KCNJ15: variants seen among roughly 807,000 people sequenced by gnomAD.
KCNJ15 encodes potassium inwardly rectifying channel subfamily J member 15, also known as ATP-sensitive inward rectifier potassium channel 15.
KCNJ15 carries 14 observed loss-of-function variants against 23.0 expected under a neutral mutation model. That is an observed-to-expected ratio of 0.61 (90% confidence interval 0.40 to 0.95). KCNJ15 has a LOEUF of 0.95. KCNJ15 is among the 40% of genes least tolerant of loss of function. The pLI is 0.00. For synonymous variants in KCNJ15, 185 were observed against 183.2 expected (o/e 1.01, Z -0.08); for missense variants, 388 against 461.8 (o/e 0.84, Z 1.46).
At position 38,306,975 on chromosome 21, in the gene KCNJ15, T is replaced by C. The variant is rs1986078663; in HGVS notation, c.*6586T>C. The C allele has an allele frequency of 6.6e-6, 1 of 152,230 alleles. No homozygotes were observed. Among genetic ancestry groups the C allele is most frequent in the Non-Finnish European group, 1.5e-5 (1 of 68,042 alleles). 9.4% of individuals were successfully genotyped at this position (152,230 alleles called of 1,614,324 possible). A position where few individuals can be genotyped will look rare whatever the true frequency, so the allele number is the denominator to read the frequency against. On this transcript the variant is annotated 3_prime_UTR_variant, in exon 3 of 3. Transcript: ENST00000398938. ...AAAATCTTGATCACACTTAGGTCTC[T>C]TGCTATATATAGAACCACATCTGAT...
chr21:38,288,895 G>A (rs1260413988), intron 1 of KCNJ15, among the ~76,000 whole-genome samples: 4 of 152,122 alleles, frequency 2.6e-5, no homozygotes, highest in Admixed American at 2.6e-4. Context: ...CCACTTTGAA[G>A]TTTCATTAAA....
intron 1 of KCNJ15, among the ~76,000 whole-genome samples, chr21:38,237,949 A>AAAC (rs3842454): frequency 2.0e-5 from 3 of 151,148 alleles, no homozygotes; most frequent in African/African-American, 2.4e-5. Flanking sequence ...CACAAGCTAA[A>AAAC]AACAACAACA....
At chr21:38,249,079 A>G (rs1402846572) in intron 1 of KCNJ15, among the ~76,000 whole-genome samples, 1 of 152,162 alleles carries the variant, frequency 6.6e-6, no homozygotes, top group Non-Finnish European at 1.5e-5. Context: ...CCCCCAATGG[A>G]CTTTACTCCT....
chr21:38,247,688 G>A (rs1979542457), intron 1 of KCNJ15, among the ~76,000 whole-genome samples: 1 of 152,192 alleles, frequency 6.6e-6, no homozygotes, highest in Non-Finnish European at 1.5e-5. Context: ...ATGCCCATAT[G>A]TTCTTCATGG....
chr21:38,260,772 C>T (rs1465958460), intron 1 of KCNJ15, among the ~76,000 whole-genome samples: 1 of 152,132 alleles, frequency 6.6e-6, no homozygotes, highest in Admixed American at 6.6e-5. Flanking sequence ...GGACTGAGGA[C>T]CTACAGAGGG....
chr21:38,270,051 C>A (rs1349440442), intron 1 of KCNJ15, among the ~76,000 whole-genome samples: 1 of 152,206 alleles, frequency 6.6e-6, no homozygotes, highest in African/African-American at 2.4e-5. Context: ...GCTCCAATTC[C>A]TGGAAAGCAT....
rs540808201 is a variant in KCNJ15 at position 38,303,846 on chromosome 21, C to T, written c.*3457C>T. On this transcript the variant is annotated 3_prime_UTR_variant, in exon 3 of 3. Coordinates refer to ENST00000398938, the MANE Select transcript of KCNJ15 (RefSeq NM_170736.3). ...TGCACTCTAGCATTATTCTGTCTCC[C>T]TTATTTGAGTCTTCAATATATATGC... 3 of 152,214 alleles carry T rather than the reference C, an allele frequency of 2.0e-5. No individual in the cohort carries two copies. The highest frequency in any genetic ancestry group is 6.5e-5 in the Admixed American group (1 of 15,298). The allele number at this position is 152,214 out of a possible 1,614,324, so 9.4% of individuals were successfully genotyped here.
intron 1 of KCNJ15, among the ~76,000 whole-genome samples, chr21:38,273,847 C>A (rs1238771759): frequency 6.6e-6 from 1 of 152,182 alleles, no homozygotes; most frequent in African/African-American, 2.4e-5. Context: ...TTCATCCAAC[C>A]CTCTCATTTT....
At chr21:38,268,763 T>A (rs1981768106) in intron 1 of KCNJ15, 2 of 152,028 alleles carry the variant, frequency 1.3e-5, no homozygotes, top group Admixed American at 1.3e-4. Context: ...TTGGGAAAGG[T>A]GCACTAATGT....
At chr21:38,244,142 A>C (rs1029301817) in intron 1 of KCNJ15, among the ~76,000 whole-genome samples, 1 of 151,868 alleles carries the variant, frequency 6.6e-6, no homozygotes, top group African/African-American at 2.4e-5. Context: ...CTTTGTGACT[A>C]TCTTGTTTAT....
In KCNJ15 at chr21:38,230,029, T is replaced by G. The variant is rs116885573; in HGVS notation, c.-398-27017T>G. On this transcript the variant is annotated intron_variant, in intron 1 of 4. Transcript: ENST00000547341. ...GCACAAATTTTTATGTGGAGGTATG[T>G]TTTTATTTCTCTTGGGTATATAACT... 0.014 allele frequency among the ~76,000 whole-genome samples: 2,174 copies of G among 152,300 alleles called. 20 individuals carry two copies. Among genetic ancestry groups the G allele is most frequent in the Non-Finnish European group, 0.02 (1,388 of 68,014 alleles).
chr21:38,246,577 A>G (rs1478402296), intron 1 of KCNJ15, among the ~76,000 whole-genome samples: 1 of 152,198 alleles, frequency 6.6e-6, no homozygotes, highest in Admixed American at 6.5e-5. Context: ...GCTAGTTAAG[A>G]TTAGTGTTAA....
At chr21:38,250,169 A>G (rs1271987257) in intron 1 of KCNJ15, among the ~76,000 whole-genome samples, 1 of 152,244 alleles carries the variant, frequency 6.6e-6, no homozygotes, top group Non-Finnish European at 1.5e-5. Context: ...GAAAGCTCCC[A>G]AAGTGAAAAA....
intron 1 of KCNJ15, among the ~76,000 whole-genome samples, chr21:38,234,931 G>C (rs1215222514): frequency 6.6e-6 from 1 of 152,220 alleles, no homozygotes; most frequent in East Asian, 1.9e-4. Context: ...TTCAGGTACA[G>C]ACAATACCTG....
intron 1 of KCNJ15, among the ~76,000 whole-genome samples, chr21:38,293,920 T>G (rs750456588): frequency 6.6e-6 from 1 of 152,226 alleles, no homozygotes; most frequent in Non-Finnish European, 1.5e-5. Context: ...CTGGACTTTG[T>G]ACAGTCAGAC....
intron 1 of KCNJ15, among the ~76,000 whole-genome samples, chr21:38,260,777 A>T (rs1980803972): frequency 6.6e-6 from 1 of 152,238 alleles, no homozygotes; most frequent in Non-Finnish European, 1.5e-5. Flanking sequence ...GAGGACCTAC[A>T]GAGGGAACAC....
chr21:38,255,612 C>G (rs974284317), upstream of KCNJ15, among the ~76,000 whole-genome samples: 2 of 152,108 alleles, frequency 1.3e-5, no homozygotes, highest in African/African-American at 4.8e-5. Context: ...ACCATCTCCA[C>G]TGGGAAAACA....
At chr21:38,238,871 T>G (rs1006589932) in intron 1 of KCNJ15, among the ~76,000 whole-genome samples, 3 of 152,240 alleles carry the variant, frequency 2.0e-5, no homozygotes, top group Admixed American at 1.3e-4. Flanking sequence ...GTTCTCTCTT[T>G]AACCTTTCTC....
intron 1 of KCNJ15, among the ~76,000 whole-genome samples, chr21:38,258,600 C>A (rs779495204): frequency 5.3e-5 from 8 of 152,224 alleles, no homozygotes; most frequent in Non-Finnish European, 1.2e-4. Flanking sequence ...CAGAAACGCT[C>A]ATCAAATAAC....
Sources: gnomAD v4.1 joint callset for allele counts (sites outside exome capture counted in the v4.1 genomes callset) on GRCh38, gnomAD v4.1.1 for gene constraint, MANE v1.5 for transcripts, NCBI Gene and HGNC (gene_info 2026-07-23, HGNC 2026-07-21) for gene names.